NDRG1: variants seen among roughly 807,000 people sequenced by gnomAD.
NDRG1 encodes N-myc downstream regulated 1.
A neutral mutation model predicts 56.9 loss-of-function variants in NDRG1; 32 were observed. The ratio of observed to expected loss-of-function variants is 0.56; its 90% CI spans 0.42 to 0.76. The LOEUF (loss-of-function observed/expected upper bound fraction) is 0.76, where lower values mean the gene tolerates loss of function less well. Ranked by LOEUF, NDRG1 falls within the 30% of genes least tolerant of loss-of-function variation. The pLI is 0.00. For synonymous variants in NDRG1, 211 were observed against 204.1 expected (o/e 1.03, Z -0.29); for missense variants, 507 against 545.7 (o/e 0.93, Z 0.71).
At chr8:133,251,545 T>C (rs1280091165) in intron 9 of NDRG1, among the ~76,000 whole-genome samples, 1 of 152,214 alleles carries the variant, frequency 6.6e-6, no homozygotes, top group Non-Finnish European at 1.5e-5. Context: ...GATCAGATGC[T>C]CAACGCTATG....
At chr8:133,257,218 C>T (rs1163506746) in intron 7 of NDRG1, among the ~76,000 whole-genome samples, 3 of 152,034 alleles carry the variant, frequency 2.0e-5, no homozygotes, top group East Asian at 1.9e-4. Flanking sequence ...AGGCGCACAG[C>T]ACAAATGCTC....
At chr8:133,244,845 C>T (rs943823183) in intron 13 of NDRG1, among the ~76,000 whole-genome samples, 1 of 152,196 alleles carries the variant, frequency 6.6e-6, no homozygotes, top group African/African-American at 2.4e-5. Context: ...GTCTTCAGGC[C>T]GGATTCAGCT....
intron 6 of NDRG1, 185 bp downstream of exon 6, chr8:133,258,983 G>T: frequency 1.4e-6 from 1 of 690,234 alleles, no homozygotes. Context: ...AGTTAGAGGA[G>T]ACAGACTAGA....
chr8:133,275,616 A>AT (rs1196143789), intron 3 of NDRG1, among the ~76,000 whole-genome samples: 1 of 152,178 alleles, frequency 6.6e-6, no homozygotes, highest in Non-Finnish European at 1.5e-5. Context: ...ACCTGGCTCC[A>AT]TATCACCCTT....
At chr8:133,255,762 G>C (rs3808598) in intron 8 of NDRG1, 42,234 of 164,942 alleles carry the variant, frequency 0.26, 5,926 homozygotes, top group African/African-American at 0.35. Flanking sequence ...GTCCCTGGCA[G>C]CCACCCAAAA....
intron 1 of NDRG1, among the ~76,000 whole-genome samples, chr8:133,288,891 C>G (rs1858278140): frequency 6.6e-6 from 1 of 152,206 alleles, no homozygotes; most frequent in South Asian, 2.1e-4. Flanking sequence ...CTCCAGGTCA[C>G]AGCACCAGCT....
rs556199955 is a variant in NDRG1 at position 133,273,947 on chromosome 8, T to C, written c.99+6285A>G. ...GCAAACACAATTGCCTAAAACCTGA[T>C]GCTGGAGGCCTCTCAGCCGAGCCAG... On this transcript the variant is annotated intron_variant, in intron 3 of 15. Coordinates refer to ENST00000323851, the MANE Select transcript of NDRG1 (RefSeq NM_006096.4). Among the ~76,000 whole-genome samples the C allele has an allele frequency of 9.9e-5, 15 of 152,272 alleles. No homozygotes were observed. In the East Asian group the frequency reaches 2.9e-3, roughly 29 times the overall value.
At position 133,284,287 on chromosome 8, in the gene NDRG1, C is replaced by G; in HGVS notation, c.25G>C (p.Asp9His). The change falls in exon 2 of 16, where the codon GAC (aspartate) becomes CAC (histidine). Residue 9 changes from aspartate to histidine, a missense_variant. By Grantham distance (81) the Asp-to-His change is moderately conservative. Transcript: ENST00000323851. MSREMQDV[D>H]LAEVKPLVEK... ...ACCAAAGGCTTCACCTCAGCGAGGTCTACATCCTGCATCTCCCGAGACATG... is the reference window on the plus strand; with the variant it reads ...ACCAAAGGCTTCACCTCAGCGAGGTGTACATCCTGCATCTCCCGAGACATG... 1 of 1,614,166 alleles carries G rather than the reference C, an allele frequency of 6.2e-7. No individual in the cohort carries two copies. Among genetic ancestry groups the G allele is most frequent in the South Asian group, 1.1e-5 (1 of 91,070 alleles).
chr8:133,295,793 G>C (rs762003384), intron 1 of NDRG1, among the ~76,000 whole-genome samples: 8 of 152,198 alleles, frequency 5.3e-5, no homozygotes, highest in Non-Finnish European at 8.8e-5. Flanking sequence ...CCGCCCTCCT[G>C]CCTGGCCACT....
intron 4 of NDRG1, among the ~76,000 whole-genome samples, chr8:133,263,922 A>AG (rs1471522049): frequency 6.6e-6 from 1 of 151,644 alleles, no homozygotes; most frequent in Non-Finnish European, 1.5e-5. Flanking sequence ...TCTCAGAAAA[A>AG]AAAAAAAAAA....
chr8:133,261,551 G>T (rs941765455), intron 5 of NDRG1, among the ~76,000 whole-genome samples: 37 of 152,334 alleles, frequency 2.4e-4, no homozygotes, highest in African/African-American at 8.2e-4. Flanking sequence ...CCCAGTGTTA[G>T]ACACAAATGA....
rs1855121698 is a variant in NDRG1, at chr8:133,237,550, C to G, written c.*1328G>C. 1 of 233,070 alleles carries G rather than the reference C, an allele frequency of 4.3e-6. No individual in the cohort carries two copies. The highest frequency in any genetic ancestry group is 5.6e-5 in the Admixed American group (1 of 17,768). 14.4% of individuals were successfully genotyped at this position (233,070 alleles called of 1,614,324 possible). A position where few individuals can be genotyped will look rare whatever the true frequency, so the allele number is the denominator to read the frequency against. The stretch of plus-strand genomic sequence containing the variant: ...GGAACCTGGCAGCCGCACTGGCCGC[C>G]CAGAAACGTCAGTGGTGCTGCCCCA... On this transcript the variant is annotated 3_prime_UTR_variant, in exon 16 of 16. Transcript: ENST00000323851.
chr8:133,271,986 A>G (rs1030675836), intron 3 of NDRG1, among the ~76,000 whole-genome samples: 6 of 152,102 alleles, frequency 3.9e-5, no homozygotes, highest in African/African-American at 1.4e-4. Flanking sequence ...TAGGTGCCCA[A>G]TGAGATAACA....
intron 1 of NDRG1, among the ~76,000 whole-genome samples, chr8:133,285,301 G>A (rs903153674): frequency 5.9e-5 from 9 of 152,160 alleles, no homozygotes; most frequent in Non-Finnish European, 8.8e-5. Flanking sequence ...GCAGAATAAG[G>A]TCAAGTCTTA....
At chr8:133,283,712 C>G (rs1472558591) in intron 2 of NDRG1, among the ~76,000 whole-genome samples, 1 of 152,216 alleles carries the variant, frequency 6.6e-6, no homozygotes, top group Non-Finnish European at 1.5e-5. Context: ...AGATGAAGAA[C>G]TAGAATATGA....
rs1856492700 is a variant in NDRG1 at position 133,258,421 on chromosome 8, T to C, written c.395A>G (p.Lys132Arg). 1.2e-6 allele frequency: 2 copies of C among 1,610,332 alleles called. No individual in the cohort carries two copies. The highest frequency in any genetic ancestry group is 1.1e-5 in the South Asian group (1 of 90,032). ...LPGVLQQFGLKSIIGMGTGAG... is the reference protein window; with the variant it reads ...LPGVLQQFGLRSIIGMGTGAG... ...TCCTGTTCCCATGCCAATAATGCTT[T>C]TCAGCCTGGAAGCAAAAATACAAAT... Residue 132 changes from lysine (K) to arginine (R), a missense_variant, in exon 7 of 16, where the codon AAA becomes AGA. Physicochemically the swap from Lys to Arg is conservative, Grantham distance 26 (BLOSUM62 2). Transcript: ENST00000323851.
chr8:133,284,455 G>T, intron 1 of NDRG1, 126 bp from the exon 2 acceptor site: 1 of 788,982 alleles, frequency 1.3e-6, no homozygotes, highest in Non-Finnish European at 2.2e-6. Flanking sequence ...CCTCCCTCGT[G>T]ATGCACTGCA....
At chr8:133,278,023 C>T (rs1033242925) in intron 3 of NDRG1, among the ~76,000 whole-genome samples, 1 of 152,192 alleles carries the variant, frequency 6.6e-6, no homozygotes, top group African/African-American at 2.4e-5. Context: ...GAAGATACAA[C>T]CTCAGTGCCA....
At chr8:133,284,508 C>T (rs747647649) in intron 1 of NDRG1, among the ~76,000 whole-genome samples, 179 bp from the exon 2 acceptor site, 17 of 152,172 alleles carry the variant, frequency 1.1e-4, no homozygotes, top group Non-Finnish European at 1.5e-5. Flanking sequence ...ATGGACCCAA[C>T]CCAGTCTTCC....
Sources: gnomAD v4.1 joint callset for allele counts (sites outside exome capture counted in the v4.1 genomes callset) on GRCh38, gnomAD v4.1.1 for gene constraint, MANE v1.5 for transcripts, NCBI Gene and HGNC (gene_info 2026-07-23, HGNC 2026-07-21) for gene names.